JAZF1: variants seen among roughly 807,000 people sequenced by gnomAD.
JAZF1 encodes JAZF zinc finger 1.
JAZF1 carries 8 observed loss-of-function variants against 26.4 expected under a neutral mutation model. The observed-to-expected ratio is 0.30, with a 90% CI of 0.18 to 0.55. JAZF1 has a LOEUF of 0.55. Among genes scored for constraint, JAZF1 ranks in the 20% least tolerant of loss-of-function variants. The probability of loss-of-function intolerance (pLI) is 0.94; values close to 1 mark genes in which losing one functional copy is unlikely to be tolerated. For synonymous variants in JAZF1, 126 were observed against 122.3 expected, an observed-to-expected ratio of 1.03 and a Z score of -0.20; for missense variants, 199 against 322.0, an observed-to-expected ratio of 0.62 and a Z score of 2.92.
intron 2 of JAZF1, among the ~76,000 whole-genome samples, chr7:27,899,762 G>A (rs1022743045): frequency 4.6e-5 from 7 of 152,136 alleles, no homozygotes; most frequent in Admixed American, 3.3e-4. Flanking sequence ...CCTTGGTTAA[G>A]TCAGATCATC....
chr7:27,997,256 G>A (rs779526267), intron 1 of JAZF1, among the ~76,000 whole-genome samples: 20 of 152,124 alleles, frequency 1.3e-4, no homozygotes, highest in Non-Finnish European at 2.4e-4. Context: ...TAGGGGGGTT[G>A]TTTAAAAGGT....
intron 3 of JAZF1, among the ~76,000 whole-genome samples, chr7:27,865,530 A>G (rs1353412644): frequency 5.9e-5 from 9 of 152,224 alleles, no homozygotes; most frequent in Admixed American, 5.9e-4. Context: ...TTTCTTTATA[A>G]AAGAACCAAC....
At position 27,913,256 on chromosome 7, in the gene JAZF1, T is replaced by G. The variant is rs550027964; in HGVS notation, c.189-17840A>C. ...ATATACATAGATATTTATGTTTACA[T>G]ATTATATATGTATTTATATATATTA... On this transcript the variant is annotated intron_variant, in intron 2 of 4. Transcript: ENST00000283928. The G allele has an allele frequency of 2.4e-4, 43 of 181,490 alleles. 2 individuals are homozygous for G. In the South Asian group the frequency reaches 7.1e-3, roughly 30 times the overall value. 11.2% of individuals were successfully genotyped at this position (181,490 alleles called of 1,614,324 possible).
chr7:28,044,697 G>A (rs1783465055), intron 1 of JAZF1, among the ~76,000 whole-genome samples: 1 of 152,158 alleles, frequency 6.6e-6, no homozygotes, highest in Admixed American at 6.5e-5. Context: ...GCTGGAGGCA[G>A]CTATAGTAAT....
chr7:27,901,042 C>CT (rs1352576175), intron 2 of JAZF1, among the ~76,000 whole-genome samples: 1 of 150,006 alleles, frequency 6.7e-6, no homozygotes, highest in East Asian at 1.9e-4. Context: ...AGGGTTTTTC[C>CT]TTCTAACATT....
intron 1 of JAZF1, among the ~76,000 whole-genome samples, chr7:28,110,621 AAAGGAAAGGAAAGGAAAAGG>A (rs1784646188): frequency 2.6e-5 from 2 of 76,164 alleles, no homozygotes; most frequent in Admixed American, 1.5e-4. Flanking sequence ...AAGGAAAAGG[AAAGGAAAGGAAAGGAAAAGG>A]AAAGGAAAGG....
intron 1 of JAZF1, among the ~76,000 whole-genome samples, chr7:28,178,100 C>T (rs1783574822): frequency 6.6e-6 from 1 of 152,182 alleles, no homozygotes; most frequent in African/African-American, 2.4e-5. Flanking sequence ...ACTGCTATTG[C>T]TGTAAACTTA....
Position 27,941,771 on chromosome 7 carries a change from A to G in JAZF1, c.189-46355T>C, listed in dbSNP as rs191717752. 2.5e-3 allele frequency among the ~76,000 whole-genome samples: 382 copies of G among 152,338 alleles called. 2 individuals carry two copies. Among genetic ancestry groups the G allele is most frequent in the African/African-American group, 8.9e-3 (369 of 41,576 alleles). ...TACAGCTTAGGACAACAGGAGGGCA[A>G]TCAGACACAGCTAATTATGATGCAT... On this transcript the variant is annotated intron_variant, in intron 2 of 4. Transcript: ENST00000283928.
chr7:27,895,843 C>T (rs1445597010), intron 2 of JAZF1, among the ~76,000 whole-genome samples: 1 of 152,176 alleles, frequency 6.6e-6, no homozygotes, highest in Non-Finnish European at 1.5e-5. Flanking sequence ...CTTCTTTGTA[C>T]CACTTAACTG....
chr7:28,143,499 C>A (rs1404895109), intron 1 of JAZF1, among the ~76,000 whole-genome samples: 1 of 152,178 alleles, frequency 6.6e-6, no homozygotes, highest in East Asian at 1.9e-4. Context: ...CCATTCCATG[C>A]AGGTACACAA....
intron 1 of JAZF1, among the ~76,000 whole-genome samples, chr7:28,000,575 C>A (rs1041912850): frequency 6.6e-6 from 1 of 151,018 alleles, no homozygotes; most frequent in Non-Finnish European, 1.5e-5. Flanking sequence ...CTGTTTGGAC[C>A]TAGATAAGTG....
chr7:27,922,270 A>T (rs541496353), intron 2 of JAZF1, among the ~76,000 whole-genome samples: 8 of 152,326 alleles, frequency 5.3e-5, no homozygotes, highest in African/African-American at 1.9e-4. Flanking sequence ...TTGGAGACGG[A>T]GTCTCACTCA....
intron 1 of JAZF1, among the ~76,000 whole-genome samples, chr7:28,170,361 G>A (rs1038174484): frequency 1.3e-4 from 15 of 119,796 alleles, no homozygotes; most frequent in South Asian, 6.4e-4. Flanking sequence ...GTGTGTGTGT[G>A]TGTGTGTGTG....
intron 2 of JAZF1, among the ~76,000 whole-genome samples, chr7:27,913,615 C>T (rs550023602): frequency 1.6e-4 from 25 of 152,276 alleles, no homozygotes; most frequent in Non-Finnish European, 2.6e-4. Context: ...CTTGCTCTTA[C>T]CCTCTATTCC....
Position 28,178,742 on chromosome 7 carries a change from C to G in JAZF1, c.115+1721G>C, listed in dbSNP as rs191898260. 2.1e-3 allele frequency among the ~76,000 whole-genome samples: 319 copies of G among 152,286 alleles called. 2 individuals are homozygous for G. The highest frequency in any genetic ancestry group is 7.3e-3 in the African/African-American group (303 of 41,560). ...GATATGAATCAGCAAATTGGTTGCT[C>G]CATTAAACTGCTTTTAAGACTACCA... On this transcript the variant is annotated intron_variant, in intron 1 of 4. Coordinates refer to ENST00000283928, the MANE Select transcript of JAZF1 (RefSeq NM_175061.4).
chr7:27,999,496 A>G (rs1786089029), intron 1 of JAZF1, among the ~76,000 whole-genome samples: 1 of 152,222 alleles, frequency 6.6e-6, no homozygotes, highest in Non-Finnish European at 1.5e-5. Context: ...GCTGGAAGGC[A>G]AAAACCTGTT....
intron 1 of JAZF1, among the ~76,000 whole-genome samples, chr7:28,109,046 C>T (rs1027347457): frequency 1.3e-5 from 2 of 152,100 alleles, no homozygotes; most frequent in Non-Finnish European, 2.9e-5. Context: ...TTGCCAGGGG[C>T]TGGGGGTGGA....
Position 27,848,513 on chromosome 7 carries a change from C to T in JAZF1, c.386-7646G>A, listed in dbSNP as rs562239396. ...ATCAGAGGAGAATGCGCTCAGAGATCTACCTTTCAAAAGGACACAAGGTTT... is the reference window on the plus strand; with the variant it reads ...ATCAGAGGAGAATGCGCTCAGAGATTTACCTTTCAAAAGGACACAAGGTTT... On this transcript the variant is annotated intron_variant, in intron 3 of 4. Coordinates refer to ENST00000283928, the MANE Select transcript of JAZF1 (RefSeq NM_175061.4). Among the ~76,000 whole-genome samples, 350 of 152,312 alleles carry T rather than the reference C, an allele frequency of 2.3e-3. 2 individuals are homozygous for T. The highest frequency in any genetic ancestry group is 3.2e-3 in the Non-Finnish European group (216 of 68,030).
chr7:28,020,797 T>C (rs1439037311), intron 1 of JAZF1: 11 of 419,164 alleles, frequency 2.6e-5, no homozygotes, highest in Non-Finnish European at 2.4e-5. Flanking sequence ...CCAAGGCTTC[T>C]TTAGGAGAAT....
Sources: gnomAD v4.1 joint callset for allele counts (sites outside exome capture counted in the v4.1 genomes callset) on GRCh38, gnomAD v4.1.1 for gene constraint, MANE v1.5 for transcripts, NCBI Gene and HGNC (gene_info 2026-07-23, HGNC 2026-07-21) for gene names.